ACVR2B: variants seen among roughly 807,000 people sequenced by gnomAD.
ACVR2B encodes the protein activin receptor type-2B.
Under a neutral mutation model 65.1 loss-of-function variants are expected in ACVR2B, and 18 were observed. The ratio of observed to expected loss-of-function variants is 0.28; its 90% confidence interval spans 0.19 to 0.41. The LOEUF (loss-of-function observed/expected upper bound fraction) is 0.41, where lower values mean the gene tolerates loss of function less well. Ranked by LOEUF, ACVR2B falls within the 10% of genes least tolerant of loss-of-function variation. ACVR2B has a pLI of 1.00. For synonymous variants in ACVR2B, 298 were observed against 277.7 expected, an observed-to-expected ratio of 1.07 and a Z score of -0.73; for missense variants, 482 against 682.7, an observed-to-expected ratio of 0.71 and a Z score of 3.28.
chr3:38,469,851 C>T (rs879943504), intron 1 of ACVR2B, among the ~76,000 whole-genome samples: 4 of 151,820 alleles, frequency 2.6e-5, no homozygotes, highest in Non-Finnish European at 5.9e-5. Context: ...AGTTAAATTA[C>T]AGAATTCTAA....
At chr3:38,469,213 G>A (rs1372081485) in intron 1 of ACVR2B, among the ~76,000 whole-genome samples, 1 of 152,204 alleles carries the variant, frequency 6.6e-6, no homozygotes, top group Non-Finnish European at 1.5e-5. Context: ...CTTTTAAAAT[G>A]CATATACATT....
rs2125730991 is a variant in ACVR2B at position 38,488,471 on chromosome 3, G to C, written c.*5139G>C. 6.6e-6 allele frequency: 1 copy of C among 152,190 alleles called. No homozygotes were observed. The highest frequency in any genetic ancestry group is 6.5e-5 in the Admixed American group (1 of 15,288). 9.4% of individuals were successfully genotyped at this position (152,190 alleles called of 1,614,324 possible). A position where few individuals can be genotyped will look rare whatever the true frequency, so the allele number is the denominator to read the frequency against. ...GTAACATTTTTTAAAACAATTGGTG[G>C]CTCCAAAAGGCCTGCCAACAAAGAA... On this transcript the variant is annotated 3_prime_UTR_variant, in exon 11 of 11. Coordinates refer to ENST00000352511, the MANE Select transcript of ACVR2B (RefSeq NM_001106.4).
rs1316415867 is a variant in ACVR2B at position 38,487,445 on chromosome 3, TC to T, written c.*4114del. 1 of 152,304 alleles carries T rather than the reference TC, an allele frequency of 6.6e-6. No individual in the cohort carries two copies. Among genetic ancestry groups the T allele is most frequent in the African/African-American group, 2.4e-5 (1 of 41,450 alleles). The allele number at this position is 152,304 out of a possible 1,614,324, so 9.4% of individuals were successfully genotyped here. ...CTGTAGTTGGGCTCTGTCACCTTTC[TC>T]TTCAGTTGGCCACATTCTCGTTTCC... On this transcript the variant is annotated 3_prime_UTR_variant, in exon 11 of 11. Transcript: ENST00000352511.
At position 38,477,457 on chromosome 3, in the gene ACVR2B, A is replaced by C; in HGVS notation, c.223A>C (p.Lys75Gln). 1.2e-6 allele frequency: 2 copies of C among 1,614,118 alleles called. No homozygotes were observed. Among genetic ancestry groups the C allele is most frequent in the Non-Finnish European group, 1.7e-6 (2 of 1,179,992 alleles). Residue 75 changes from lysine to glutamine, a missense_variant, in exon 2 of 11, where the codon AAG becomes CAG. Physicochemically the swap from Lys to Gln is moderately conservative, Grantham distance 53. This residue lies in a region of ACVR2B where 85 missense variants were observed against 137.3 expected (regional missense o/e 0.62). Coordinates refer to ENST00000352511, the MANE Select transcript of ACVR2B (RefSeq NM_001106.4). The surrounding 1 kb of genome is among the most constrained non-coding windows in gnomAD (Gnocchi z 6.7). ...CTCTGGCACCATCGAGCTCGTGAAG[A>C]AGGGCTGCTGGCTAGATGACTTCAA... ...NSSGTIELVK[K>Q]GCWLDDFNCY...
intron 1 of ACVR2B, chr3:38,459,716 GTGTGGTGGCCAGATGGGAATC>G: frequency 1.0e-6 from 1 of 973,556 alleles, no homozygotes; most frequent in Non-Finnish European, 1.2e-6. Context: ...CTCCCTCAGG[GTGTGGTGGCCAGATGGGAATC>G]TGAGGGCAGG....
At chr3:38,460,436 T>C (rs1240741207) in intron 1 of ACVR2B, among the ~76,000 whole-genome samples, 1 of 152,146 alleles carries the variant, frequency 6.6e-6, no homozygotes, top group Non-Finnish European at 1.5e-5. Context: ...CAGTGGTAGG[T>C]ACTGGAAATC....
intron 1 of ACVR2B, chr3:38,473,808 G>C (rs1381111462): frequency 6.6e-6 from 1 of 152,276 alleles, no homozygotes; most frequent in African/African-American, 2.4e-5. Flanking sequence ...ATTGGAGTAG[G>C]ACTTGAAGTC....
In ACVR2B at chr3:38,489,379, T is replaced by A. The variant is rs1016540673; in HGVS notation, c.*6047T>A. The A allele has an allele frequency of 6.6e-6, 1 of 152,656 alleles. No homozygotes were observed. Among genetic ancestry groups the A allele is most frequent in the Non-Finnish European group, 1.5e-5 (1 of 68,040 alleles). The allele number at this position is 152,656 out of a possible 1,614,324, so 9.5% of individuals were successfully genotyped here. A position where few individuals can be genotyped will look rare whatever the true frequency, so the allele number is the denominator to read the frequency against. On this transcript the variant is annotated 3_prime_UTR_variant, in exon 11 of 11. Coordinates refer to ENST00000352511, the MANE Select transcript of ACVR2B (RefSeq NM_001106.4). ...TGAATGATTTTGTAATCAGAGCTAA[T>A]GAGCTTTACCTTTCAAGAGAAACGT...
chr3:38,466,935 T>G (rs975583367), intron 1 of ACVR2B, among the ~76,000 whole-genome samples: 1 of 152,202 alleles, frequency 6.6e-6, no homozygotes, highest in Non-Finnish European at 1.5e-5. Context: ...ATTCGGGCAT[T>G]TATTGTGAGA....
At chr3:38,467,859 C>T (rs567661147) in intron 1 of ACVR2B, among the ~76,000 whole-genome samples, 3 of 152,004 alleles carry the variant, frequency 2.0e-5, no homozygotes, top group South Asian at 4.2e-4. Flanking sequence ...GCTAATATTT[C>T]TAATAAATAT....
At chr3:38,480,787 G>A (rs530915276) in intron 7 of ACVR2B, among the ~76,000 whole-genome samples, 57 of 152,304 alleles carry the variant, frequency 3.7e-4, no homozygotes, top group Admixed American at 1.0e-3. Context: ...TTACCACTCA[G>A]TCGAATCCTC....
intron 1 of ACVR2B, among the ~76,000 whole-genome samples, chr3:38,456,133 A>C (rs1367387593): frequency 6.6e-6 from 1 of 152,234 alleles, no homozygotes; most frequent in Non-Finnish European, 1.5e-5. Context: ...AGTGCTGAGC[A>C]GTGTACCCTG....
rs1344351304 is a variant in ACVR2B at position 38,482,542 on chromosome 3, T to C, written c.1326T>C (p.Asp442=). The C allele has an allele frequency of 1.2e-6, 2 of 1,611,132 alleles. No individual in the cohort carries two copies. Among genetic ancestry groups the C allele is most frequent in the East Asian group, 4.5e-5 (2 of 44,852 alleles). The change falls in exon 10 of 11, where the codon GAT becomes GAC. Residue 442 remains aspartate (D), a synonymous_variant. Transcript: ENST00000352511. ...VHKKMRPTIK[D]HWLKHPGLAQ... ...AGAAGATGAGGCCCACCATTAAAGATCACTGGTTGAAACACCCGGTAAGGG... is the reference window on the plus strand; with the variant it reads ...AGAAGATGAGGCCCACCATTAAAGACCACTGGTTGAAACACCCGGTAAGGG...
In ACVR2B at chr3:38,478,189, C is replaced by A. The variant is rs936545586; in HGVS notation, c.419C>A (p.Ala140Asp). The A allele has an allele frequency of 6.2e-7, 1 of 1,613,680 alleles. No individual in the cohort carries two copies. Among genetic ancestry groups the A allele is most frequent in the South Asian group, 1.1e-5 (1 of 91,042 alleles). Residue 140 changes from alanine to aspartate, a missense_variant, in exon 4 of 11, where the codon GCC becomes GAC. Coordinates refer to ENST00000352511, the MANE Select transcript of ACVR2B (RefSeq NM_001106.4). ...PTAPTLLTVL[A>D]YSLLPIGGLS... ...GCCCCCACCCTGCTCACGGTGCTGG[C>A]CTACTCACTGCTGCCCATCGGGGGC...
Position 38,484,366 on chromosome 3 carries a change from TG to T in ACVR2B, c.*1035del, listed in dbSNP as rs1710077733. 2.0e-5 allele frequency: 3 copies of T among 152,198 alleles called. No individual in the cohort carries two copies. The highest frequency in any genetic ancestry group is 2.0e-4 in the Admixed American group (3 of 15,286). The allele number at this position is 152,198 out of a possible 1,614,324, so 9.4% of individuals were successfully genotyped here. ...TTCCTCTTGGAGCAGTTCAGGGAAA[TG>T]CCCACAGGGGATTGTCCTGCACAGA... On this transcript the variant is annotated 3_prime_UTR_variant, in exon 11 of 11. Coordinates refer to ENST00000352511, the MANE Select transcript of ACVR2B (RefSeq NM_001106.4).
intron 1 of ACVR2B, 53 bp downstream of exon 1, chr3:38,454,427 C>G (rs1709506167): frequency 2.4e-6 from 3 of 1,227,084 alleles, no homozygotes; most frequent in Non-Finnish European, 3.1e-6. Context: ...GGGCTGGCCT[C>G]TGGCGCCGCG....
chr3:38,476,041 T>C (rs1709902237), intron 1 of ACVR2B: 1 of 152,358 alleles, frequency 6.6e-6, no homozygotes, highest in Middle Eastern at 3.4e-3. Context: ...AGGTTGTAAA[T>C]GCCACCACCT....
rs1381666191 is a variant in ACVR2B at position 38,491,294 on chromosome 3, A to G, written c.*7962A>G. The G allele has an allele frequency of 6.6e-6, 1 of 152,650 alleles. No individual in the cohort carries two copies. The highest frequency in any genetic ancestry group is 2.4e-5 in the African/African-American group (1 of 41,458). 9.5% of individuals were successfully genotyped at this position (152,650 alleles called of 1,614,324 possible). The stretch of plus-strand genomic sequence containing the variant: ...TGGCAGACCAAGATTAAAAGTGGTA[A>G]CTCAGCTATACGAGCATGGGCTACC... On this transcript the variant is annotated 3_prime_UTR_variant, in exon 11 of 11. Coordinates refer to ENST00000352511, the MANE Select transcript of ACVR2B (RefSeq NM_001106.4).
chr3:38,462,069 C>G (rs1264394492), intron 1 of ACVR2B, among the ~76,000 whole-genome samples: 1 of 152,076 alleles, frequency 6.6e-6, no homozygotes, highest in Non-Finnish European at 1.5e-5. Context: ...TGGTGGGTCC[C>G]TGTAGTCCCA....
Sources: gnomAD v4.1 joint callset for allele counts (sites outside exome capture counted in the v4.1 genomes callset) on GRCh38, gnomAD v4.1.1 for gene constraint, gnomAD v4.1.1 regional missense constraint, Gnocchi (gnomAD v3.1) non-coding constraint, MANE v1.5 for transcripts, NCBI Gene and HGNC (gene_info 2026-07-23, HGNC 2026-07-21) for gene names.